The following EHHADH variants were observed in gnomAD, a reference collection of about 807,000 sequenced individuals.
EHHADH encodes enoyl-CoA hydratase and 3-hydroxyacyl CoA dehydrogenase, also known as peroxisomal bifunctional enzyme.
In EHHADH, 48 loss-of-function variants were observed where a neutral mutation model predicts 64.4. The ratio of observed to expected loss-of-function variants is 0.75; its 90% CI spans 0.59 to 0.95. The LOEUF is 0.95. Ranked by LOEUF, EHHADH falls within the 40% of genes least tolerant of loss-of-function variation. The pLI is 0.00. For synonymous variants in EHHADH, 308 were observed against 326.7 expected (o/e 0.94, Z 0.62); for missense variants, 854 against 876.6 (o/e 0.97, Z 0.33).
rs770496405 is a variant in EHHADH at position 185,229,412 on chromosome 3, T to G, written c.463+20A>C. The G allele has an allele frequency of 7.3e-7, 1 of 1,373,692 alleles. No individual in the cohort carries two copies. The highest frequency in any genetic ancestry group is 1.5e-5 in the African/African-American group (1 of 68,558). 85.1% of individuals were successfully genotyped at this position (1,373,692 alleles called of 1,614,324 possible). A position where few individuals can be genotyped will look rare whatever the true frequency, so the allele number is the denominator to read the frequency against. On this transcript the variant is annotated intron_variant, in intron 4 of 6. Transcript: ENST00000231887. ...TTCTTCACACTAATCTAGACAGTTG[T>G]TGCCAAGGTCTATACTGACCTGAGG...
intron 2 of EHHADH, chr3:185,246,133 C>T: frequency 8.3e-7 from 1 of 1,200,590 alleles, no homozygotes; most frequent in Non-Finnish European, 1.2e-6. Flanking sequence ...TTGAACATCA[C>T]TTTCAATCTT....
At chr3:185,229,645 T>C in intron 3 of EHHADH, 102 bp from the exon 4 acceptor site, 1 of 639,604 alleles carries the variant, frequency 1.6e-6, no homozygotes. Flanking sequence ...AAGCATGGTG[T>C]CACTGAATTC....
At chr3:185,212,794 T>C (rs185103195) in intron 5 of EHHADH, among the ~76,000 whole-genome samples, 341 of 152,324 alleles carry the variant, frequency 2.2e-3, no homozygotes, top group Admixed American at 3.7e-3. Context: ...ATTTTAACCA[T>C]GCCTTTCATA....
chr3:185,241,757 C>T (rs1396784761), intron 2 of EHHADH, among the ~76,000 whole-genome samples: 3 of 152,122 alleles, frequency 2.0e-5, no homozygotes, highest in Non-Finnish European at 4.4e-5. Flanking sequence ...TGTCTGTTTA[C>T]TCTGCTGACT....
chr3:185,246,130 T>A, intron 2 of EHHADH: 1 of 1,200,162 alleles, frequency 8.3e-7, no homozygotes, highest in Admixed American at 1.7e-5. Context: ...TTCTTGAACA[T>A]CACTTTCAAT....
chr3:185,202,307 C>A (rs991886434), intron 6 of EHHADH, among the ~76,000 whole-genome samples: 2 of 148,704 alleles, frequency 1.3e-5, no homozygotes, highest in African/African-American at 5.0e-5. Context: ...CCACTGCACT[C>A]CAGCCTGGGT....
chr3:185,192,355 T>G lies in EHHADH; in HGVS notation c.2043A>C (p.Lys681Asn), dbSNP rs753933808. 3.8e-5 allele frequency: 62 copies of G among 1,614,194 alleles called. 1 individual carries two copies. In the South Asian group the frequency reaches 6.8e-4, roughly 18 times the overall value. The stretch of plus-strand genomic sequence containing the variant: ...GAATATCAGGGTTCTGCCTGTAATA[T>G]TTCTGCAATTTCTCTAGAACTGTGG... ...GLPTVLEKLQ[K>N]YYRQNPDIPQ... The change falls in exon 7 of 7, where the codon AAA becomes AAC. Residue 681 changes from lysine (K) to asparagine (N), a missense_variant. Lys to Asn is a moderately conservative substitution (Grantham distance 94). Coordinates refer to ENST00000231887, the MANE Select transcript of EHHADH (RefSeq NM_001966.4).
chr3:185,204,319 G>T (rs1718318050), intron 6 of EHHADH, 97 bp downstream of exon 6: 1 of 1,102,028 alleles, frequency 9.1e-7, no homozygotes, highest in Non-Finnish European at 1.3e-6. Flanking sequence ...CAAGTAATGT[G>T]TCTTACGTGA....
chr3:185,210,996 A>G (rs138350700), intron 5 of EHHADH, among the ~76,000 whole-genome samples: 411 of 152,326 alleles, frequency 2.7e-3, no homozygotes, highest in Non-Finnish European at 4.3e-3. Flanking sequence ...GACCAGTCCT[A>G]GGGCCAAACT....
intron 2 of EHHADH, among the ~76,000 whole-genome samples, chr3:185,242,860 C>A (rs1046340291): frequency 6.6e-6 from 1 of 152,232 alleles, no homozygotes; most frequent in African/African-American, 2.4e-5. Flanking sequence ...TTCCCACCCT[C>A]CCCCGAGTTC....
At chr3:185,239,560 G>A (rs1337324842) in intron 2 of EHHADH, among the ~76,000 whole-genome samples, 2 of 152,008 alleles carry the variant, frequency 1.3e-5, no homozygotes, top group African/African-American at 4.8e-5. Context: ...ATGGGACTGA[G>A]TTTTTGATTT....
chr3:185,239,709 A>G (rs535099044), intron 2 of EHHADH, among the ~76,000 whole-genome samples: 1 of 152,188 alleles, frequency 6.6e-6, no homozygotes, highest in South Asian at 2.1e-4. Context: ...TAAGTATAAG[A>G]CCATGTTATC....
intron 4 of EHHADH, among the ~76,000 whole-genome samples, chr3:185,223,136 A>C (rs1213843875): frequency 6.6e-6 from 1 of 152,182 alleles, no homozygotes; most frequent in African/African-American, 2.4e-5. Flanking sequence ...CGTATTATTC[A>C]AAGCAGAGAC....
intron 1 of EHHADH, among the ~76,000 whole-genome samples, chr3:185,249,583 C>T (rs1413018198): frequency 2.6e-5 from 4 of 152,158 alleles, no homozygotes; most frequent in Non-Finnish European, 5.9e-5. Context: ...TTATAAGTTG[C>T]AGTTTCCCCT....
chr3:185,244,356 T>C (rs1409206067), intron 2 of EHHADH, among the ~76,000 whole-genome samples: 4 of 152,226 alleles, frequency 2.6e-5, no homozygotes. Context: ...AATATTGATA[T>C]ATGAGGGTTT....
intron 4 of EHHADH, among the ~76,000 whole-genome samples, chr3:185,225,937 C>T (rs1718960486): frequency 6.6e-6 from 1 of 152,168 alleles, no homozygotes; most frequent in Non-Finnish European, 1.5e-5. Flanking sequence ...ATTCACCTCC[C>T]ATTCCTAACA....
chr3:185,228,484 GC>G (rs1248271938), intron 4 of EHHADH, among the ~76,000 whole-genome samples: 3 of 151,194 alleles, frequency 2.0e-5, no homozygotes, highest in African/African-American at 7.3e-5. Flanking sequence ...TTTGAGACCA[GC>G]CTGACAAACA....
chr3:185,217,760 ATTTTCTTT>A (rs779388730), intron 5 of EHHADH, among the ~76,000 whole-genome samples: 1 of 146,180 alleles, frequency 6.8e-6, no homozygotes, highest in Non-Finnish European at 1.5e-5. Flanking sequence ...CAGCCTCAGG[ATTTTCTTT>A]TTTTTTTTTT....
At chr3:185,212,774 A>G (rs894562182) in intron 5 of EHHADH, among the ~76,000 whole-genome samples, 5 of 152,192 alleles carry the variant, frequency 3.3e-5, no homozygotes, top group African/African-American at 1.2e-4. Context: ...GTGCAACCAT[A>G]TGTGTATGCA....
Sources: gnomAD v4.1 joint callset for allele counts (sites outside exome capture counted in the v4.1 genomes callset) on GRCh38, gnomAD v4.1.1 for gene constraint, MANE v1.5 for transcripts, NCBI Gene and HGNC (gene_info 2026-07-23, HGNC 2026-07-21) for gene names.